Variants in RBFOX1 observed in about 807,000 individuals in gnomAD.
RBFOX1 encodes the protein RNA binding protein fox-1 homolog 1.
Under a neutral mutation model 57.7 loss-of-function variants are expected in RBFOX1, and 8 were observed. That is an observed-to-expected ratio of 0.14 (90% CI 0.08 to 0.25). The LOEUF (loss-of-function observed/expected upper bound fraction) is 0.25, where lower values mean the gene tolerates loss of function less well. Among genes scored for constraint, RBFOX1 ranks in the 10% least tolerant of loss-of-function variants. The probability of loss-of-function intolerance (pLI) is 1.00; values close to 1 mark genes in which losing one functional copy is unlikely to be tolerated. For missense variants in RBFOX1, 611 were observed against 548.5 expected (o/e 1.11, Z -1.14); for synonymous variants, 326 against 222.4 (o/e 1.47, Z -4.15).
intron 5 of RBFOX1, 22 bp downstream of exon 5, chr16:7,518,411 G>C (rs199524226): frequency 3.4e-5 from 54 of 1,593,794 alleles, no homozygotes; most frequent in Non-Finnish European, 4.3e-5. Flanking sequence ...TGTTTGCTAC[G>C]GGTGGGAGGT....
At chr16:7,506,493 A>G (rs1287063477) in intron 4 of RBFOX1, among the ~76,000 whole-genome samples, 1 of 152,132 alleles carries the variant, frequency 6.6e-6, no homozygotes, top group Non-Finnish European at 1.5e-5. Context: ...TTAGAACAAT[A>G]ATCAGTTCAT....
At chr16:7,389,476 A>C (rs2097952072) in intron 4 of RBFOX1, among the ~76,000 whole-genome samples, 3 of 152,162 alleles carry the variant, frequency 2.0e-5, no homozygotes, top group Admixed American at 2.0e-4. Context: ...GCTTCCCCTG[A>C]AGCCTGATTC....
chr16:7,610,741 A>C (rs1043806894), intron 10 of RBFOX1, among the ~76,000 whole-genome samples: 2 of 152,234 alleles, frequency 1.3e-5, no homozygotes, highest in Admixed American at 1.3e-4. Context: ...AAACACTGAA[A>C]GTCTGGCTGG....
intron 4 of RBFOX1, among the ~76,000 whole-genome samples, chr16:7,368,325 A>T (rs2097501692): frequency 6.6e-6 from 1 of 151,894 alleles, no homozygotes; most frequent in Non-Finnish European, 1.5e-5. Flanking sequence ...AGTGTTTGAT[A>T]GTCTATCCAT....
chr16:5,574,885 A>T (rs1229195126), intron 2 of RBFOX1, among the ~76,000 whole-genome samples: 1 of 152,204 alleles, frequency 6.6e-6, no homozygotes, highest in African/African-American at 2.4e-5. Flanking sequence ...GGTAAGTTAT[A>T]GGGATGGTGG....
rs1293613636 is a variant in RBFOX1, at chr16:7,681,527, G to A, written c.995+4689G>A. On this transcript the variant is annotated intron_variant, in intron 14 of 15. Transcript: ENST00000550418. ...GTCATGAAAATAGACAGGCAAATAA[G>A]TATATTTACAGTGATATTCCATTTT... Among the ~76,000 whole-genome samples, 3 of 152,184 alleles carry A rather than the reference G, an allele frequency of 2.0e-5. No homozygotes were observed. In the East Asian group the frequency reaches 5.8e-4, roughly 29 times the overall value.
chr16:5,955,656 A>C (rs1179567380), intron 4 of RBFOX1, among the ~76,000 whole-genome samples: 1 of 152,146 alleles, frequency 6.6e-6, no homozygotes, highest in African/African-American at 2.4e-5. Flanking sequence ...ATAGAGGGAA[A>C]AACTGATAGA....
At chr16:7,411,181 G>A (rs1597753617) in intron 4 of RBFOX1, among the ~76,000 whole-genome samples, 1 of 151,972 alleles carries the variant, frequency 6.6e-6, no homozygotes, top group African/African-American at 2.4e-5. Flanking sequence ...CTTGACCTCA[G>A]GTGATCTGCC....
chr16:6,453,875 C>A (rs1324375181), intron 2 of RBFOX1, among the ~76,000 whole-genome samples: 1 of 152,236 alleles, frequency 6.6e-6, no homozygotes, highest in African/African-American at 2.4e-5. Context: ...TGTGAGTTTG[C>A]TGAAGCTGCC....
At chr16:7,079,303 G>T (rs947013792) in intron 4 of RBFOX1, among the ~76,000 whole-genome samples, 1 of 152,186 alleles carries the variant, frequency 6.6e-6, no homozygotes, top group Admixed American at 6.5e-5. Context: ...TTGGGCAGGG[G>T]AGGTTTGTTA....
At chr16:7,543,047 C>G (rs918633559) in intron 5 of RBFOX1, among the ~76,000 whole-genome samples, 1 of 152,116 alleles carries the variant, frequency 6.6e-6, no homozygotes, top group Non-Finnish European at 1.5e-5. Context: ...TCTGAACAAT[C>G]CTATAGGTGG....
chr16:7,443,842 C>G (rs2098788636), intron 4 of RBFOX1, among the ~76,000 whole-genome samples: 1 of 152,140 alleles, frequency 6.6e-6, no homozygotes, highest in Non-Finnish European at 1.5e-5. Flanking sequence ...GACCTTGAGG[C>G]TAATTAGGGA....
intron 1 of RBFOX1, among the ~76,000 whole-genome samples, chr16:5,409,163 A>G (rs2066944851): frequency 1.3e-5 from 2 of 152,232 alleles, no homozygotes; most frequent in Admixed American, 1.3e-4. Context: ...AGTAGTTGGC[A>G]TAGTCCTCAC....
chr16:7,521,166 G>C (rs1192923284), intron 5 of RBFOX1, among the ~76,000 whole-genome samples: 1 of 152,302 alleles, frequency 6.6e-6, no homozygotes, highest in East Asian at 1.9e-4. Flanking sequence ...CCCAGGCAGA[G>C]GGAATACCAC....
intron 2 of RBFOX1, among the ~76,000 whole-genome samples, chr16:6,634,474 T>G (rs2098415103): frequency 6.6e-6 from 1 of 150,456 alleles, no homozygotes; most frequent in African/African-American, 2.4e-5. Context: ...TTTAATATAA[T>G]AGATGATACA....
intron 1 of RBFOX1, among the ~76,000 whole-genome samples, chr16:5,414,019 G>C: frequency 6.6e-6 from 1 of 152,196 alleles, no homozygotes; most frequent in East Asian, 1.9e-4. Flanking sequence ...TGAGTCATTT[G>C]TCTACTGCAG....
intron 4 of RBFOX1, among the ~76,000 whole-genome samples, chr16:7,084,778 A>G (rs2059727103): frequency 6.6e-6 from 1 of 152,226 alleles, no homozygotes; most frequent in African/African-American, 2.4e-5. Context: ...AAATGTACAC[A>G]CAACCATGAT....
chr16:7,066,753 T>A (rs1264871720), intron 4 of RBFOX1, among the ~76,000 whole-genome samples: 1 of 152,160 alleles, frequency 6.6e-6, no homozygotes, highest in African/African-American at 2.4e-5. Flanking sequence ...CTTCTTTGTA[T>A]GCCAGGGTTT....
chr16:7,159,613 T>C (rs977492647), intron 4 of RBFOX1, among the ~76,000 whole-genome samples: 2 of 152,186 alleles, frequency 1.3e-5, no homozygotes, highest in Non-Finnish European at 2.9e-5. Context: ...ATAGCTTCAG[T>C]CATCTCCCGC....
Sources: allele counts gnomAD v4.1 joint callset (sites outside exome capture counted in the v4.1 genomes callset), GRCh38; gene constraint gnomAD v4.1.1; transcripts MANE v1.5; gene names NCBI Gene and HGNC (gene_info 2026-07-23, HGNC 2026-07-21).